ANKS1B: variants seen among roughly 807,000 people sequenced by gnomAD.
ANKS1B encodes the protein ankyrin repeat and sterile alpha motif domain-containing protein 1B.
A neutral mutation model predicts 148.3 loss-of-function variants in ANKS1B; 36 were observed. That is an observed-to-expected ratio of 0.24 (90% CI 0.19 to 0.32). The LOEUF is 0.32. ANKS1B is among the 10% of genes least tolerant of loss of function. The pLI, the probability that ANKS1B is intolerant of heterozygous loss-of-function variation, is 1.00. For synonymous variants in ANKS1B, 542 were observed against 560.8 expected (o/e 0.97, Z 0.47); for missense variants, 1,157 against 1,542.6 (o/e 0.75, Z 4.19).
intron 12 of ANKS1B, among the ~76,000 whole-genome samples, chr12:99,263,766 G>A (rs143644769): frequency 4.7e-4 from 71 of 152,152 alleles, no homozygotes; most frequent in Admixed American, 6.5e-4. Context: ...CTTGCCTGCC[G>A]CCATGAAAGA....
intron 9 of ANKS1B, among the ~76,000 whole-genome samples, chr12:99,555,887 G>A (rs1375849466): frequency 6.6e-6 from 1 of 152,090 alleles, no homozygotes; most frequent in African/African-American, 2.4e-5. Flanking sequence ...ATATTGGCCT[G>A]AAGATTTGTT....
At chr12:99,011,058 G>A (rs967412373) in intron 17 of ANKS1B, among the ~76,000 whole-genome samples, 7 of 151,908 alleles carry the variant, frequency 4.6e-5, no homozygotes, top group Non-Finnish European at 8.8e-5. Context: ...TGTCCTCACA[G>A]AAAATGCATA....
intron 8 of ANKS1B, among the ~76,000 whole-genome samples, chr12:99,771,609 A>T (rs577070536): frequency 1.1e-4 from 17 of 152,138 alleles, no homozygotes; most frequent in Non-Finnish European, 2.4e-4. Context: ...TTGTCCCAAC[A>T]TTAAAGTTAC....
chr12:99,155,212 T>C, intron 14 of ANKS1B: 1 of 1,105,458 alleles, frequency 9.0e-7, no homozygotes, highest in Non-Finnish European at 1.2e-6. Context: ...TTCCTGTCTT[T>C]TCTTCTTCCT....
chr12:99,755,606 A>C (rs1413065139), intron 8 of ANKS1B, among the ~76,000 whole-genome samples: 1 of 145,244 alleles, frequency 6.9e-6, no homozygotes, highest in Non-Finnish European at 1.5e-5. Context: ...AAAAAAAAAA[A>C]AAAAAAACTG....
chr12:99,481,389 T>C (rs1314216474), intron 10 of ANKS1B, among the ~76,000 whole-genome samples: 1 of 151,848 alleles, frequency 6.6e-6, no homozygotes, highest in Non-Finnish European at 1.5e-5. Context: ...TAGTATTCCA[T>C]GGCATATATA....
chr12:99,044,406 C>CCG (rs2099961012), intron 17 of ANKS1B, among the ~76,000 whole-genome samples: 10 of 149,400 alleles, frequency 6.7e-5, no homozygotes, highest in Admixed American at 6.6e-4. Flanking sequence ...TTTACAAAGT[C>CCG]CAGGAGCGGA....
intron 1 of ANKS1B, among the ~76,000 whole-genome samples, chr12:99,907,896 C>T (rs2093850167): frequency 7.0e-6 from 1 of 141,958 alleles, no homozygotes; most frequent in Admixed American, 7.1e-5. Flanking sequence ...CACCTTAAAA[C>T]TAACCCAAAA....
chr12:99,235,220 AT>A (rs1185234662), intron 14 of ANKS1B, among the ~76,000 whole-genome samples: 1 of 152,122 alleles, frequency 6.6e-6, no homozygotes, highest in Non-Finnish European at 1.5e-5. Context: ...TTTAACATTT[AT>A]TTTTACTTTT....
At chr12:99,173,588 C>T (rs2078039867) in intron 14 of ANKS1B, among the ~76,000 whole-genome samples, 1 of 152,070 alleles carries the variant, frequency 6.6e-6, no homozygotes, top group Non-Finnish European at 1.5e-5. Context: ...GTTGAATTAA[C>T]AGACTAAAAT....
chr12:99,895,103 C>A (rs958139014), intron 1 of ANKS1B, among the ~76,000 whole-genome samples: 1 of 150,878 alleles, frequency 6.6e-6, no homozygotes, highest in African/African-American at 2.4e-5. Flanking sequence ...TGTTTCTTGG[C>A]AAACATGTTT....
chr12:98,736,730 C>T (rs1395430932), intron 9 of ANKS1B, among the ~76,000 whole-genome samples: 1 of 152,108 alleles, frequency 6.6e-6, no homozygotes, highest in Non-Finnish European at 1.5e-5. Context: ...GCCCAGGAGA[C>T]TAAAAAGGAC....
chr12:99,710,484 T>A (rs1295959196), intron 8 of ANKS1B, among the ~76,000 whole-genome samples: 1 of 152,128 alleles, frequency 6.6e-6, no homozygotes, highest in East Asian at 1.9e-4. Context: ...TTCACTGAGA[T>A]CTCAAGTCTA....
At chr12:98,882,423 G>A (rs544080137) in intron 17 of ANKS1B, among the ~76,000 whole-genome samples, 8 of 152,236 alleles carry the variant, frequency 5.3e-5, no homozygotes, top group Middle Eastern at 3.4e-3. Context: ...GAAAGGTATC[G>A]CAATGCTTTT....
intron 9 of ANKS1B, among the ~76,000 whole-genome samples, chr12:99,580,707 G>A (rs1248415334): frequency 6.6e-6 from 1 of 152,066 alleles, no homozygotes; most frequent in Non-Finnish European, 1.5e-5. Context: ...TATAGTTAAT[G>A]ATAATTTATT....
At chr12:98,994,250 C>A (rs2099928267) in intron 17 of ANKS1B, among the ~76,000 whole-genome samples, 1 of 152,090 alleles carries the variant, frequency 6.6e-6, no homozygotes, top group Non-Finnish European at 1.5e-5. Flanking sequence ...TAATTTGTGA[C>A]CTTATTAAGT....
chr12:99,957,350 A>T (rs1020477171), intron 1 of ANKS1B, among the ~76,000 whole-genome samples: 2 of 152,040 alleles, frequency 1.3e-5, no homozygotes, highest in Non-Finnish European at 2.9e-5. Flanking sequence ...CCTCCACCTT[A>T]TCGGCAATTT....
intron 10 of ANKS1B, among the ~76,000 whole-genome samples, chr12:99,466,289 G>A (rs1267128796): frequency 1.3e-5 from 2 of 152,178 alleles, no homozygotes; most frequent in Non-Finnish European, 2.9e-5. Flanking sequence ...ATTCAAAGCA[G>A]TGTGTAGAGG....
At chr12:99,147,242 T>TA (rs529185736) in intron 15 of ANKS1B, among the ~76,000 whole-genome samples, 51 of 151,896 alleles carry the variant, frequency 3.4e-4, no homozygotes, top group African/African-American at 1.1e-3. Flanking sequence ...AACTGAGAGC[T>TA]AAAAAAAGTG....
Sources: allele counts gnomAD v4.1 joint callset (sites outside exome capture counted in the v4.1 genomes callset), GRCh38; gene constraint gnomAD v4.1.1; transcripts MANE v1.5; gene names NCBI Gene and HGNC (gene_info 2026-07-23, HGNC 2026-07-21).